The following AOPEP variants were observed in gnomAD, a reference collection of about 807,000 sequenced individuals.
The protein encoded by AOPEP is aminopeptidase O (putative), also known as aminopeptidase O.
In AOPEP, 77 loss-of-function variants were observed where a neutral mutation model predicts 98.1. The observed-to-expected ratio is 0.78, with a 90% CI of 0.65 to 0.95. The LOEUF is 0.95. Among genes scored for constraint, AOPEP ranks in the 40% least tolerant of loss-of-function variants. The probability of loss-of-function intolerance (pLI) is 0.00; values close to 1 mark genes in which losing one functional copy is unlikely to be tolerated. For synonymous variants in AOPEP, 346 were observed against 365.3 expected (o/e 0.95, Z 0.60); for missense variants, 1,024 against 1,024.7 (o/e 1.00, Z 0.01).
At chr9:95,062,665 A>G (rs2067430821) in intron 14 of AOPEP, among the ~76,000 whole-genome samples, 1 of 152,176 alleles carries the variant, frequency 6.6e-6, no homozygotes, top group Non-Finnish European at 1.5e-5. Context: ...GCTTCTGTGT[A>G]TGGGCTGTGT....
chr9:95,023,017 C>A (rs1419557886), intron 13 of AOPEP, among the ~76,000 whole-genome samples: 1 of 152,184 alleles, frequency 6.6e-6, no homozygotes, highest in Non-Finnish European at 1.5e-5. Context: ...TGAAATCCCA[C>A]CTTTTTGCCC....
At chr9:94,887,601 GGCT>G (rs1293711445) in intron 5 of AOPEP, among the ~76,000 whole-genome samples, 1 of 152,060 alleles carries the variant, frequency 6.6e-6, no homozygotes, top group Non-Finnish European at 1.5e-5. Context: ...CCTATCAAGA[GGCT>G]GCTACTAGAT....
At chr9:94,827,256 G>A (rs1210366641) in intron 5 of AOPEP, among the ~76,000 whole-genome samples, 1 of 152,172 alleles carries the variant, frequency 6.6e-6, no homozygotes, top group African/African-American at 2.4e-5. Context: ...ACCATGCCCT[G>A]TGATTTACAC....
chr9:94,890,213 T>C (rs553516990), intron 5 of AOPEP, among the ~76,000 whole-genome samples: 33 of 151,426 alleles, frequency 2.2e-4, no homozygotes, highest in Admixed American at 1.2e-3. Flanking sequence ...GTTTTTTTGT[T>C]TTTTTTTGAA....
chr9:94,896,889 C>T (rs543964986), intron 5 of AOPEP, among the ~76,000 whole-genome samples: 8 of 144,382 alleles, frequency 5.5e-5, no homozygotes, highest in African/African-American at 2.0e-4. Flanking sequence ...TACATTTTGA[C>T]AAATGTCTCA....
intron 13 of AOPEP, among the ~76,000 whole-genome samples, chr9:95,029,179 C>G (rs1398267738): frequency 2.0e-5 from 3 of 152,186 alleles, no homozygotes; most frequent in Non-Finnish European, 4.4e-5. Flanking sequence ...ACCGTGCACT[C>G]TCTTGGGGAA....
At chr9:94,976,743 T>G (rs900784847) in intron 10 of AOPEP, among the ~76,000 whole-genome samples, 1 of 151,636 alleles carries the variant, frequency 6.6e-6, no homozygotes, top group Non-Finnish European at 1.5e-5. Flanking sequence ...CCAGGCTCAC[T>G]GCAACCTCTG....
chr9:94,816,334 A>G (rs1175071339), intron 5 of AOPEP, among the ~76,000 whole-genome samples: 1 of 152,198 alleles, frequency 6.6e-6, no homozygotes, highest in African/African-American at 2.4e-5. Flanking sequence ...AGGGTGCAAC[A>G]TGTGGACGAG....
chr9:94,958,659 T>C (rs1364861279), intron 9 of AOPEP, among the ~76,000 whole-genome samples: 1 of 152,246 alleles, frequency 6.6e-6, no homozygotes, highest in Non-Finnish European at 1.5e-5. Flanking sequence ...GAGCACTTTT[T>C]ATGTGATTAT....
intron 13 of AOPEP, among the ~76,000 whole-genome samples, chr9:95,016,635 T>TG (rs2063023567): frequency 1.3e-5 from 2 of 152,012 alleles, no homozygotes. Context: ...TTTATTGAGA[T>TG]GGGGTCTCAT....
Position 94,885,348 on chromosome 9 carries a change from CAAAAAAAAAAAAAAAAAAAAAAAAAA to C in AOPEP, c.1365-38621_1365-38596del, listed in dbSNP as rs71366268. ...TGGGTGACAGAGTGAGATCCTGTCT[CAAAAAAAAAAAAAAAAAAAAAAAAAA>C]AAAAAAAAAAAAAAAAGACATTGTG... On this transcript the variant is annotated intron_variant, in intron 5 of 16. Transcript: ENST00000375315. Among the ~76,000 whole-genome samples the C allele has an allele frequency of 3.6e-4, 13 of 35,986 alleles. 1 individual carries two copies. Among genetic ancestry groups the C allele is most frequent in the Admixed American group, 1.2e-3 (2 of 1,622 alleles). The allele number at this position is 35,986 out of a possible 152,430, so 23.6% of individuals were successfully genotyped here. A position where few individuals can be genotyped will look rare whatever the true frequency, so the allele number is the denominator to read the frequency against.
the AOPEP span, among the ~76,000 whole-genome samples, chr9:95,144,346 A>G: frequency 2.6e-5 from 4 of 152,180 alleles, no homozygotes; most frequent in African/African-American, 9.6e-5. Context: ...TCCCTTATGG[A>G]TTAGCAGACA....
At position 94,963,827 on chromosome 9, in the gene AOPEP, G is replaced by T. The variant is rs537968929; in HGVS notation, c.1873-3931G>T. ...AAGACAGACGAAAGAATTGAAAAGA[G>T]GTGGTGCAGGAAGGAATAATCATAA... On this transcript the variant is annotated intron_variant, in intron 9 of 16. Transcript: ENST00000375315. Among the ~76,000 whole-genome samples the T allele has an allele frequency of 1.3e-3, 193 of 152,288 alleles. 2 individuals are homozygous for T. The highest frequency in any genetic ancestry group is 4.4e-3 in the African/African-American group (182 of 41,570).
At chr9:95,082,097 C>T (rs2069867351) in intron 15 of AOPEP, among the ~76,000 whole-genome samples, 3 of 152,026 alleles carry the variant, frequency 2.0e-5, no homozygotes, top group South Asian at 2.1e-4. Flanking sequence ...GTGTCTCTGC[C>T]GCGGCTGCTG....
intron 13 of AOPEP, among the ~76,000 whole-genome samples, chr9:95,009,146 G>A (rs2062280680): frequency 6.6e-6 from 1 of 152,106 alleles, no homozygotes; most frequent in Admixed American, 6.6e-5. Flanking sequence ...GATTTTATGT[G>A]TGTTTTTAAA....
intron 5 of AOPEP, among the ~76,000 whole-genome samples, chr9:94,856,007 G>A (rs1349184830): frequency 6.6e-6 from 1 of 152,158 alleles, no homozygotes; most frequent in Non-Finnish European, 1.5e-5. Context: ...CTTGCCTGGG[G>A]TTGCTCACAC....
chr9:94,945,072 C>T (rs963821976), intron 7 of AOPEP, among the ~76,000 whole-genome samples: 1 of 152,038 alleles, frequency 6.6e-6, no homozygotes, highest in African/African-American at 2.4e-5. Flanking sequence ...TGGATGAGAC[C>T]CACGGGGCCA....
At chr9:94,949,928 A>G (rs2057977289) in intron 7 of AOPEP, among the ~76,000 whole-genome samples, 1 of 152,142 alleles carries the variant, frequency 6.6e-6, no homozygotes, top group African/African-American at 2.4e-5. Flanking sequence ...GTGGCTCTTG[A>G]AATTTGTTGT....
intron 5 of AOPEP, among the ~76,000 whole-genome samples, chr9:94,805,155 G>A (rs999771994): frequency 6.6e-6 from 1 of 152,142 alleles, no homozygotes; most frequent in African/African-American, 2.4e-5. Flanking sequence ...GACGGGTTAT[G>A]GGAAGAGATC....
Sources: gnomAD v4.1 joint callset for allele counts (sites outside exome capture counted in the v4.1 genomes callset) on GRCh38, gnomAD v4.1.1 for gene constraint, MANE v1.5 for transcripts, NCBI Gene and HGNC (gene_info 2026-07-23, HGNC 2026-07-21) for gene names.